Variants in KLHL29 observed in about 807,000 individuals in gnomAD.
KLHL29 encodes kelch-like protein 29.
KLHL29 carries 21 observed loss-of-function variants against 80.4 expected under a neutral mutation model. That is an observed-to-expected ratio of 0.26 (90% CI 0.19 to 0.38). The LOEUF (loss-of-function observed/expected upper bound fraction) is 0.38. Ranked by LOEUF, KLHL29 falls within the 10% of genes least tolerant of loss-of-function variation. The pLI is 1.00. For synonymous variants in KLHL29, 511 were observed against 526.8 expected, an observed-to-expected ratio of 0.97 and a Z score of 0.41; for missense variants, 867 against 1,223.9, an observed-to-expected ratio of 0.71 and a Z score of 4.35.
At chr2:23,534,117 C>T (rs531087419) in intron 2 of KLHL29, among the ~76,000 whole-genome samples, 48 of 152,222 alleles carry the variant, frequency 3.2e-4, no homozygotes, top group Admixed American at 2.4e-3. Context: ...TCTGACATCC[C>T]GCTGAGCAGC....
intron 1 of KLHL29, among the ~76,000 whole-genome samples, chr2:23,387,694 T>C (rs914636252): frequency 1.3e-5 from 2 of 152,172 alleles, no homozygotes; most frequent in Non-Finnish European, 2.9e-5. Flanking sequence ...TGTATTTGAT[T>C]AGTCCATAAT....
At chr2:23,465,418 G>A (rs996560032) in intron 1 of KLHL29, among the ~76,000 whole-genome samples, 2 of 152,294 alleles carry the variant, frequency 1.3e-5, no homozygotes, top group South Asian at 4.1e-4. Context: ...TGGAGGTGTG[G>A]GGGCATTCAT....
In KLHL29 at chr2:23,681,832, C is replaced by T. The variant is rs995055017; in HGVS notation, c.941-2567C>T. Among the ~76,000 whole-genome samples the T allele has an allele frequency of 1.3e-5, 2 of 152,158 alleles. No homozygotes were observed. The highest frequency in any genetic ancestry group is 4.8e-5 in the African/African-American group (2 of 41,428). On this transcript the variant is annotated intron_variant, in intron 5 of 13. Coordinates refer to ENST00000486442, the MANE Select transcript of KLHL29 (RefSeq NM_052920.2). The surrounding 1 kb of genome is among the most constrained non-coding windows in gnomAD (Gnocchi z 4.2). ...CTGGCTCGTGGTTTGGGCATTAATT[C>T]GGCTGGTGACTCTTTCTGGAGATAC... is the stretch of plus-strand genomic sequence containing the variant.
chr2:23,421,274 G>A (rs1052591686), intron 1 of KLHL29, among the ~76,000 whole-genome samples: 1 of 152,216 alleles, frequency 6.6e-6, no homozygotes, highest in Non-Finnish European at 1.5e-5. Context: ...GGATTGTAGT[G>A]ATCTGTGGTC....
intron 2 of KLHL29, among the ~76,000 whole-genome samples, chr2:23,547,610 G>A (rs1161092035): frequency 6.6e-6 from 1 of 152,048 alleles, no homozygotes. Context: ...AGCAATAGTT[G>A]TGACAGCAGC....
chr2:23,706,397 C>A (rs1672726053), intron 13 of KLHL29, 84 bp from the exon 14 acceptor site: 1 of 1,130,030 alleles, frequency 8.8e-7, no homozygotes. Context: ...AGGCAGCCTA[C>A]AACAGGACAC....
chr2:23,480,338 T>A (rs1470989535), intron 2 of KLHL29, among the ~76,000 whole-genome samples: 1 of 152,088 alleles, frequency 6.6e-6, no homozygotes. Flanking sequence ...AATAAAAAAA[T>A]TAGCCGGGCA....
chr2:23,627,616 G>A (rs1256552117), intron 3 of KLHL29, among the ~76,000 whole-genome samples: 3 of 152,196 alleles, frequency 2.0e-5, no homozygotes, highest in Non-Finnish European at 2.9e-5. Flanking sequence ...CTCCGAGGCC[G>A]TGTGTGCTGC....
chr2:23,643,755 G>A (rs1411824471), intron 5 of KLHL29: 1 of 152,340 alleles, frequency 6.6e-6, no homozygotes, highest in Non-Finnish European at 1.5e-5. Flanking sequence ...GCTGGATGCA[G>A]TGGGGAAGGC....
intron 7 of KLHL29, 38 bp from the exon 8 acceptor site, chr2:23,693,231 G>C (rs183179970): frequency 1.3e-6 from 2 of 1,519,262 alleles, no homozygotes; most frequent in African/African-American, 2.8e-5. Flanking sequence ...ACTGCTTCCC[G>C]GGCCTTTGGG....
At chr2:23,514,422 G>A (rs770380635) in intron 2 of KLHL29, among the ~76,000 whole-genome samples, 11 of 152,158 alleles carry the variant, frequency 7.2e-5, no homozygotes, top group Non-Finnish European at 1.0e-4. Context: ...GGCAGACGCC[G>A]GCCCCACAGG....
chr2:23,552,700 C>T (rs1025453862), intron 2 of KLHL29, among the ~76,000 whole-genome samples: 1 of 151,346 alleles, frequency 6.6e-6, no homozygotes, highest in Non-Finnish European at 1.5e-5. Context: ...ATTGATGCCA[C>T]CTGTGGTCCC....
intron 2 of KLHL29, among the ~76,000 whole-genome samples, 171 bp from the exon 3 acceptor site, chr2:23,561,980 CT>C (rs1052959293): frequency 2.6e-5 from 4 of 152,154 alleles, no homozygotes; most frequent in African/African-American, 9.7e-5. Context: ...TATTCCTTGT[CT>C]GTGAAGTGGG....
intron 2 of KLHL29, among the ~76,000 whole-genome samples, chr2:23,559,607 CTG>C (rs1667393106): frequency 6.6e-6 from 1 of 152,040 alleles, no homozygotes; most frequent in African/African-American, 2.4e-5. Context: ...GCGGCTTTCT[CTG>C]AGAGAGGGAA....
intron 3 of KLHL29, among the ~76,000 whole-genome samples, chr2:23,563,488 C>CGT (rs1331768265): frequency 2.6e-5 from 4 of 152,134 alleles, no homozygotes; most frequent in African/African-American, 7.2e-5. Context: ...TGCCTGCATG[C>CGT]GTGTGTGTGT....
chr2:23,572,270 G>A (rs147055243), intron 3 of KLHL29, among the ~76,000 whole-genome samples: 3 of 152,248 alleles, frequency 2.0e-5, no homozygotes, highest in East Asian at 1.9e-4. Flanking sequence ...CTGCCACTCC[G>A]TCTTCCTAGC....
At chr2:23,618,978 A>G (rs1224813407) in intron 3 of KLHL29, among the ~76,000 whole-genome samples, 1 of 152,240 alleles carries the variant, frequency 6.6e-6, no homozygotes, top group African/African-American at 2.4e-5. Context: ...GCCTTGCCAG[A>G]CAGCCCCCTT....
chr2:23,413,723 G>T (rs1328798961), intron 1 of KLHL29, among the ~76,000 whole-genome samples: 1 of 152,176 alleles, frequency 6.6e-6, no homozygotes, highest in Non-Finnish European at 1.5e-5. Context: ...TTTCCCATTT[G>T]TTCCCTTTGT....
rs571496479 is a variant in KLHL29 at position 23,693,129 on chromosome 2, G to A, written c.1283-140G>A. On this transcript the variant is annotated intron_variant, in intron 7 of 13. Coordinates refer to ENST00000486442, the MANE Select transcript of KLHL29 (RefSeq NM_052920.2). ...GAAGCCTCCAGACACCCAGGAAGGG[G>A]GCCTGCAGGGACTCTGGACACTGCA... 47 of 976,144 alleles carry A rather than the reference G, an allele frequency of 4.8e-5. 1 individual carries two copies. The South Asian group carries it at 7.5e-4, about 16-fold the overall frequency. The allele number at this position is 976,144 out of a possible 1,614,324, so 60.5% of individuals were successfully genotyped here. A position where few individuals can be genotyped will look rare whatever the true frequency, so the allele number is the denominator to read the frequency against.
Sources: gnomAD v4.1 joint callset for allele counts (sites outside exome capture counted in the v4.1 genomes callset) on GRCh38, gnomAD v4.1.1 for gene constraint, Gnocchi (gnomAD v3.1) non-coding constraint, MANE v1.5 for transcripts, NCBI Gene and HGNC (gene_info 2026-07-23, HGNC 2026-07-21) for gene names.